The following HYDIN variants were observed in gnomAD, a reference collection of about 807,000 sequenced individuals.
HYDIN encodes the protein axonemal central pair apparatus protein HYDIN.
In HYDIN, 132 loss-of-function variants were observed where a neutral mutation model predicts 403.9. The ratio of observed to expected loss-of-function variants is 0.33; its 90% CI spans 0.28 to 0.38. The LOEUF (loss-of-function observed/expected upper bound fraction) is 0.38, where lower values mean the gene tolerates loss of function less well. Among genes scored for constraint, HYDIN ranks in the 10% least tolerant of loss-of-function variants. The pLI, the probability that HYDIN is intolerant of heterozygous loss-of-function variation, is 1.00. For missense variants in HYDIN, 2,827 were observed against 5,009.5 expected (o/e 0.56, Z 13.15); for synonymous variants, 1,202 against 1,891.7 (o/e 0.64, Z 9.46).
intron 36 of HYDIN, 82 bp downstream of exon 36, chr16:70,970,438 A>C: frequency 8.3e-7 from 1 of 1,201,062 alleles, no homozygotes; most frequent in South Asian, 1.4e-5. Context: ...ATAGGGAAGT[A>C]ATCACTAAAT....
chr16:71,124,214 C>T (rs2084363407), intron 9 of HYDIN, among the ~76,000 whole-genome samples: 1 of 151,960 alleles, frequency 6.6e-6, no homozygotes, highest in African/African-American at 2.4e-5. Context: ...GACCCTACAG[C>T]CTTGTTAAAT....
intron 1 of HYDIN, among the ~76,000 whole-genome samples, chr16:71,194,236 C>A (rs1475701521): frequency 6.6e-6 from 1 of 152,206 alleles, no homozygotes; most frequent in Middle Eastern, 3.4e-3. Context: ...TGTGGTTAAA[C>A]CCCATCTCTA....
In HYDIN at chr16:71,186,863, C is replaced by G. The variant is rs748258884; in HGVS notation, c.33G>C (p.Gly11=). 154 of 1,612,762 alleles carry G rather than the reference C, an allele frequency of 9.5e-5. No individual in the cohort carries two copies. The highest frequency in any genetic ancestry group is 1.2e-4 in the Non-Finnish European group (143 of 1,179,176). ...TATTGACCAATCCCATCTGAACAGC[C>G]CCCATGGACTCCTCAAGTCTTCTAC... is the stretch of plus-strand genomic sequence containing the variant. The part of the protein sequence containing the change: MTSRRLEESM[G]AVQMGLVNMF... Residue 11 remains glycine, a synonymous_variant, in exon 2 of 86, where the codon GGG becomes GGC. Transcript: ENST00000393567.
chr16:71,110,303 A>C (rs1021039819), intron 10 of HYDIN, among the ~76,000 whole-genome samples: 7 of 141,930 alleles, frequency 4.9e-5, no homozygotes, highest in Admixed American at 1.4e-4. Context: ...AATAAATATA[A>C]TAAATATATA....
chr16:71,038,571 G>C (rs1408936604), intron 18 of HYDIN, among the ~76,000 whole-genome samples: 1 of 151,038 alleles, frequency 6.6e-6, no homozygotes, highest in Admixed American at 6.6e-5. Context: ...CAGAGTGAGG[G>C]ATTTCTTTGG....
At chr16:71,206,688 A>G (rs1312553806) in intron 1 of HYDIN, among the ~76,000 whole-genome samples, 1 of 152,242 alleles carries the variant, frequency 6.6e-6, no homozygotes, top group African/African-American at 2.4e-5. Flanking sequence ...TAATAAAACA[A>G]TACAGAGCTG....
At chr16:71,187,044 C>T (rs200791270) in intron 1 of HYDIN, 126 bp from the exon 2 acceptor site, 132 of 591,138 alleles carry the variant, frequency 2.2e-4, no homozygotes, top group Middle Eastern at 6.9e-4. Context: ...AATCCAAATG[C>T]TTGGAACAAA....
chr16:71,155,040 T>C (rs1400382319), intron 6 of HYDIN, among the ~76,000 whole-genome samples: 1 of 144,888 alleles, frequency 6.9e-6, no homozygotes, highest in Non-Finnish European at 1.5e-5. Context: ...AGATGCTGTG[T>C]GATGAATCTG....
intron 41 of HYDIN, among the ~76,000 whole-genome samples, chr16:70,948,615 AAAAC>A (rs1162661787): frequency 8.6e-5 from 13 of 152,040 alleles, no homozygotes; most frequent in African/African-American, 1.7e-4. Flanking sequence ...TTACAAGAAA[AAAAC>A]AAACAACCCC....
At chr16:71,002,482 T>C (rs2144076815) in intron 23 of HYDIN, among the ~76,000 whole-genome samples, 1 of 151,318 alleles carries the variant, frequency 6.6e-6, no homozygotes, top group South Asian at 2.1e-4. Context: ...AGCCCAGGAG[T>C]TTGAGGTTGC....
chr16:70,931,395 A>G (rs1597353278), intron 45 of HYDIN, among the ~76,000 whole-genome samples: 1 of 151,322 alleles, frequency 6.6e-6, no homozygotes, highest in East Asian at 1.9e-4. Context: ...ATTCCTGACA[A>G]TATATCCACT....
At chr16:71,100,442 A>T (rs1271545201) in intron 10 of HYDIN, among the ~76,000 whole-genome samples, 1 of 152,122 alleles carries the variant, frequency 6.6e-6, no homozygotes, top group Non-Finnish European at 1.5e-5. Flanking sequence ...TAAAAAGAAG[A>T]CATGCCGAAG....
At chr16:71,186,598 C>A (rs920449665) in intron 2 of HYDIN, among the ~76,000 whole-genome samples, 163 bp downstream of exon 2, 2 of 152,084 alleles carry the variant, frequency 1.3e-5, no homozygotes, top group African/African-American at 4.8e-5. Flanking sequence ...ACTTCTCAGG[C>A]TTTAAAAGGT....
chr16:70,872,898 A>G (rs1465571520), intron 64 of HYDIN, among the ~76,000 whole-genome samples: 2 of 143,768 alleles, frequency 1.4e-5, no homozygotes, highest in Non-Finnish European at 3.0e-5. Flanking sequence ...TAATTCATCT[A>G]TCATCTACCT....
chr16:70,919,162 G>A (rs1332452907), intron 46 of HYDIN, among the ~76,000 whole-genome samples: 1 of 151,822 alleles, frequency 6.6e-6, no homozygotes, highest in Non-Finnish European at 1.5e-5. Flanking sequence ...TAACTCCCAG[G>A]ATTTAGAATG....
At chr16:70,994,650 T>A (rs1340275855) in intron 23 of HYDIN, among the ~76,000 whole-genome samples, 1 of 148,230 alleles carries the variant, frequency 6.7e-6, no homozygotes, top group Non-Finnish European at 1.5e-5. Flanking sequence ...GTCTCAGGAG[T>A]TAGATTTTTA....
rs996068459 is a variant in HYDIN, at chr16:70,920,962, T to G, written c.7414A>C (p.Met2472Leu). Reference sequence around the variant, plus strand: ...ACTCCTTGCTTCCGGTCCCAGTACATGAGGATGTTCTGGACATCCTTCAGT... The same window carrying G: ...ACTCCTTGCTTCCGGTCCCAGTACAGGAGGATGTTCTGGACATCCTTCAGT... ...LTLKDVQNILMYWDRKQGVQL... is the reference protein window; with the variant it reads ...LTLKDVQNILLYWDRKQGVQL... The change falls in exon 46 of 86, where the codon ATG (methionine) becomes CTG (leucine). Residue 2472 changes from methionine (M) to leucine (L), a missense_variant. Coordinates refer to ENST00000393567, the MANE Select transcript of HYDIN (RefSeq NM_001270974.2). The G allele has an allele frequency of 8.1e-6, 13 of 1,608,022 alleles. No homozygotes were observed. Among genetic ancestry groups the G allele is most frequent in the Non-Finnish European group, 1.1e-5 (13 of 1,176,968 alleles).
intron 39 of HYDIN, among the ~76,000 whole-genome samples, chr16:70,959,109 C>A (rs1186035025): frequency 6.6e-6 from 1 of 151,212 alleles, no homozygotes; most frequent in Non-Finnish European, 1.5e-5. Flanking sequence ...AAAGTTAGCA[C>A]ATGTAATTTT....
At chr16:71,078,880 T>A (rs143839408) in intron 13 of HYDIN, among the ~76,000 whole-genome samples, 2 of 152,334 alleles carry the variant, frequency 1.3e-5, no homozygotes, top group Non-Finnish European at 2.9e-5. Context: ...TCCTTTTCCT[T>A]CTTCAGGAAG....
Sources: gnomAD v4.1 joint callset for allele counts (sites outside exome capture counted in the v4.1 genomes callset) on GRCh38, gnomAD v4.1.1 for gene constraint, MANE v1.5 for transcripts, NCBI Gene and HGNC (gene_info 2026-07-23, HGNC 2026-07-21) for gene names.